ATF1: variants seen among roughly 807,000 people sequenced by gnomAD.
ATF1 encodes the protein cyclic AMP-dependent transcription factor ATF-1.
Under a neutral mutation model 34.7 loss-of-function variants are expected in ATF1, and 16 were observed. The observed-to-expected ratio is 0.46, with a 90% confidence interval of 0.31 to 0.70. The LOEUF is 0.70. Among genes scored for constraint, ATF1 ranks in the 30% least tolerant of loss-of-function variants. The probability of loss-of-function intolerance (pLI) is 0.05; values close to 1 mark genes in which losing one functional copy is unlikely to be tolerated. For missense variants in ATF1, 255 were observed against 321.6 expected (o/e 0.79, Z 1.58); for synonymous variants, 105 against 113.1 (o/e 0.93, Z 0.46).
chr12:50,775,801 A>G (rs1048385016), intron 1 of ATF1: 9 of 152,184 alleles, frequency 5.9e-5, no homozygotes, highest in African/African-American at 2.2e-4. Context: ...TGGAGTATTT[A>G]AAAGGTATTT....
intron 2 of ATF1, among the ~76,000 whole-genome samples, chr12:50,791,791 G>A (rs960920438): frequency 4.6e-5 from 7 of 152,140 alleles, no homozygotes; most frequent in African/African-American, 1.7e-4. Flanking sequence ...CCTGAGGTGA[G>A]CCTGGAGGGA....
At chr12:50,776,971 T>C (rs1283365047) in intron 1 of ATF1, among the ~76,000 whole-genome samples, 2 of 152,098 alleles carry the variant, frequency 1.3e-5, no homozygotes, top group African/African-American at 2.4e-5. Flanking sequence ...CAAGCGATTC[T>C]CCTGCTGAGT....
At chr12:50,819,597 G>GT (rs1228990318) in intron 6 of ATF1, 38 bp from the exon 7 acceptor site, 10 of 1,598,240 alleles carry the variant, frequency 6.3e-6, no homozygotes, top group Non-Finnish European at 8.5e-6. Flanking sequence ...AGAATGTGAA[G>GT]TTTTTTCTAA....
intron 3 of ATF1, among the ~76,000 whole-genome samples, chr12:50,805,600 C>T (rs915082074): frequency 6.7e-6 from 1 of 148,814 alleles, no homozygotes; most frequent in Non-Finnish European, 1.5e-5. Flanking sequence ...TGATTCTTAA[C>T]CCATTGTGAC....
At chr12:50,801,730 G>T (rs753903289) in intron 3 of ATF1, among the ~76,000 whole-genome samples, 6 of 152,086 alleles carry the variant, frequency 3.9e-5, no homozygotes, top group African/African-American at 9.7e-5. Context: ...TATGATCATC[G>T]CAAGACACAG....
rs141602651 is a variant in ATF1 at position 50,779,452 on chromosome 12, T to A, written c.-6-688T>A. On this transcript the variant is annotated intron_variant, in intron 1 of 6. Coordinates refer to ENST00000262053, the MANE Select transcript of ATF1 (RefSeq NM_005171.5). The stretch of plus-strand genomic sequence containing the variant: ...TGTGTCTTGATATTACCCATTCTAA[T>A]GGGTATGTATGAGGTGATATTTCGT... Among the ~76,000 whole-genome samples, 239 of 152,282 alleles carry A rather than the reference T, an allele frequency of 1.6e-3. No homozygotes were observed. In the Middle Eastern group the frequency reaches 0.017, roughly 11 times the overall value.
At chr12:50,794,210 A>G (rs1216188671) in intron 2 of ATF1, among the ~76,000 whole-genome samples, 1 of 149,820 alleles carries the variant, frequency 6.7e-6, no homozygotes, top group Non-Finnish European at 1.5e-5. Context: ...TCGGCCTCCC[A>G]AAGTGCTGGG....
At chr12:50,813,584 C>T (rs989278380) in intron 4 of ATF1, among the ~76,000 whole-genome samples, 8 of 152,054 alleles carry the variant, frequency 5.3e-5, no homozygotes, top group East Asian at 1.9e-4. Context: ...GAGGCTGAGG[C>T]GGGTGAATCA....
At chr12:50,802,864 T>A (rs1592193506) in intron 3 of ATF1, among the ~76,000 whole-genome samples, 1 of 62,596 alleles carries the variant, frequency 1.6e-5, no homozygotes, top group African/African-American at 7.1e-5. Context: ...AGAAGGAGAC[T>A]CCATCTCAAA....
chr12:50,764,761 C>A (rs1940587843), intron 1 of ATF1: 1 of 152,286 alleles, frequency 6.6e-6, no homozygotes, highest in Non-Finnish European at 1.5e-5. Context: ...CGCGTCGGCG[C>A]TGGCGACCCT....
chr12:50,766,483 G>A (rs1005339361), intron 1 of ATF1, among the ~76,000 whole-genome samples: 4 of 152,014 alleles, frequency 2.6e-5, no homozygotes, highest in Non-Finnish European at 4.4e-5. Flanking sequence ...TGGGACATGG[G>A]GAGCTTTTTC....
intron 2 of ATF1, among the ~76,000 whole-genome samples, chr12:50,789,532 C>T (rs937718051): frequency 1.3e-5 from 2 of 151,766 alleles, no homozygotes; most frequent in African/African-American, 2.4e-5. Context: ...GGGAGGCGGG[C>T]GGATCACATG....
At position 50,788,398 on chromosome 12, in the gene ATF1, C is replaced by T. The variant is rs148232862; in HGVS notation, c.94-7511C>T. On this transcript the variant is annotated intron_variant, in intron 2 of 6. Coordinates refer to ENST00000262053, the MANE Select transcript of ATF1 (RefSeq NM_005171.5). ...ATGGGGTTTTGCAGTGTTGCCCAGG[C>T]TGGTCTCAAACTCCTAAGCTCAAAT... 388 of 333,494 alleles carry T rather than the reference C, an allele frequency of 1.2e-3. 1 individual carries two copies. Among genetic ancestry groups the T allele is most frequent in the African/African-American group, 8.0e-3 (358 of 45,026 alleles). 20.7% of individuals were successfully genotyped at this position (333,494 alleles called of 1,614,324 possible).
chr12:50,816,538 A>G (rs1466834645), intron 6 of ATF1, among the ~76,000 whole-genome samples: 4 of 152,160 alleles, frequency 2.6e-5, no homozygotes, highest in Non-Finnish European at 5.9e-5. Flanking sequence ...GCTACACATT[A>G]TATACATGTA....
intron 2 of ATF1, 24 bp from the exon 3 acceptor site, chr12:50,795,885 A>T (rs1250030512): frequency 8.9e-6 from 14 of 1,569,818 alleles, no homozygotes; most frequent in Non-Finnish European, 1.1e-5. Flanking sequence ...ATTGTTCATC[A>T]TGTTAATGCC....
intron 2 of ATF1, among the ~76,000 whole-genome samples, chr12:50,791,053 A>C (rs985650537): frequency 5.9e-5 from 9 of 152,044 alleles, no homozygotes; most frequent in Non-Finnish European, 1.2e-4. Context: ...CATTCTAGGG[A>C]CACAACCTTG....
intron 2 of ATF1, among the ~76,000 whole-genome samples, chr12:50,789,991 C>G (rs569520480): frequency 1.8e-4 from 28 of 152,144 alleles, no homozygotes; most frequent in African/African-American, 6.5e-4. Context: ...CCTGACAGAC[C>G]CATAGCCTGC....
intron 4 of ATF1, among the ~76,000 whole-genome samples, chr12:50,811,272 CTAAG>C (rs1941730997): frequency 6.6e-6 from 1 of 152,102 alleles, no homozygotes; most frequent in Non-Finnish European, 1.5e-5. Flanking sequence ...TTACATATAA[CTAAG>C]TCAGTACATA....
intron 2 of ATF1, among the ~76,000 whole-genome samples, chr12:50,787,634 C>T (rs1175611688): frequency 6.6e-6 from 1 of 151,726 alleles, no homozygotes; most frequent in Non-Finnish European, 1.5e-5. Flanking sequence ...CCCAGCTACT[C>T]AGGAGGCTGA....
Sources: gnomAD v4.1 joint callset for allele counts (sites outside exome capture counted in the v4.1 genomes callset) on GRCh38, gnomAD v4.1.1 for gene constraint, MANE v1.5 for transcripts, NCBI Gene and HGNC (gene_info 2026-07-23, HGNC 2026-07-21) for gene names.